FAM174A: variants seen among roughly 807,000 people sequenced by gnomAD.
The protein encoded by FAM174A is membrane protein FAM174A.
FAM174A carries 14 observed loss-of-function variants against 14.3 expected under a neutral mutation model. That is an observed-to-expected ratio of 0.98 (90% CI 0.65 to 1.53). The LOEUF (loss-of-function observed/expected upper bound fraction) is 1.53, where lower values mean the gene tolerates loss of function less well. Ranked by LOEUF, FAM174A falls within the 40% of genes most tolerant of loss-of-function variation. FAM174A has a pLI of 0.00. For missense variants in FAM174A, 241 were observed against 249.6 expected (o/e 0.97, Z 0.23); for synonymous variants, 108 against 111.4 (o/e 0.97, Z 0.19).
chr5:100,536,033 C>T (rs932985306), intron 1 of FAM174A, 69 bp downstream of exon 1: 1 of 1,398,864 alleles, frequency 7.1e-7, no homozygotes, highest in Admixed American at 2.4e-5. Context: ...TCCAGCAAGG[C>T]TGACTTCTGT....
chr5:100,586,229 A>G lies in FAM174A; in HGVS notation c.*45A>G. 1.4e-6 allele frequency: 2 copies of G among 1,380,556 alleles called. No individual in the cohort carries two copies. The highest frequency in any genetic ancestry group is 2.0e-6 in the Non-Finnish European group (2 of 1,002,252). 85.5% of individuals were successfully genotyped at this position (1,380,556 alleles called of 1,614,324 possible). On this transcript the variant is annotated 3_prime_UTR_variant, in exon 3 of 3. Coordinates refer to ENST00000312637, the MANE Select transcript of FAM174A (RefSeq NM_198507.3). Reference sequence around the variant, plus strand: ...AGAACTTTATCTTTCTACAATGAAGAGTGGAATTTCTATGTTTAAGGAATA... The same window carrying G: ...AGAACTTTATCTTTCTACAATGAAGGGTGGAATTTCTATGTTTAAGGAATA...
intron 1 of FAM174A, among the ~76,000 whole-genome samples, chr5:100,554,054 A>C (rs1007088721): frequency 3.2e-4 from 48 of 152,318 alleles, no homozygotes; most frequent in African/African-American, 1.1e-3. Context: ...ATTTCCAAAA[A>C]TAATTTCACA....
intron 2 of FAM174A, among the ~76,000 whole-genome samples, chr5:100,569,866 G>A (rs757866152): frequency 2.0e-4 from 30 of 151,818 alleles, no homozygotes; most frequent in Non-Finnish European, 3.4e-4. Context: ...CCACAGTGCA[G>A]AATGAAGGAG....
intron 1 of FAM174A, among the ~76,000 whole-genome samples, chr5:100,558,563 G>T (rs141210054): frequency 6.6e-6 from 1 of 152,022 alleles, no homozygotes; most frequent in Admixed American, 6.6e-5. Flanking sequence ...TTATTATTGT[G>T]TGGGAGTCTA....
At chr5:100,564,979 A>T (rs905102743) in intron 2 of FAM174A, among the ~76,000 whole-genome samples, 1 of 151,914 alleles carries the variant, frequency 6.6e-6, no homozygotes, top group East Asian at 1.9e-4. Context: ...TTCTCAAATT[A>T]TTCTGACAAA....
chr5:100,576,746 T>A (rs1219100455), intron 2 of FAM174A, among the ~76,000 whole-genome samples: 9 of 152,102 alleles, frequency 5.9e-5, no homozygotes, highest in Admixed American at 3.3e-4. Context: ...GGAAAAAAAA[T>A]AGTTTGTGCT....
chr5:100,537,775 G>C (rs1270838188), intron 1 of FAM174A, among the ~76,000 whole-genome samples: 6 of 152,122 alleles, frequency 3.9e-5, no homozygotes, highest in African/African-American at 1.4e-4. Flanking sequence ...ACTGCTGTCT[G>C]TACATAGTTC....
chr5:100,537,356 G>GTT (rs1377277777), intron 1 of FAM174A, among the ~76,000 whole-genome samples: 1 of 151,722 alleles, frequency 6.6e-6, no homozygotes, highest in Non-Finnish European at 1.5e-5. Flanking sequence ...TTCTTTTTAC[G>GTT]TTTTTTTCTT....
At chr5:100,539,365 G>T (rs77956332) in intron 1 of FAM174A, among the ~76,000 whole-genome samples, 28 of 152,164 alleles carry the variant, frequency 1.8e-4, no homozygotes, top group African/African-American at 6.7e-4. Context: ...GCATTAAAAT[G>T]CAGATCCTAT....
chr5:100,566,155 T>TAC (rs1397883581), intron 2 of FAM174A, among the ~76,000 whole-genome samples: 2 of 141,322 alleles, frequency 1.4e-5, no homozygotes, highest in Non-Finnish European at 3.1e-5. Flanking sequence ...TATATATATA[T>TAC]ATATATATAT....
At chr5:100,581,028 A>C (rs1747000636) in intron 2 of FAM174A, among the ~76,000 whole-genome samples, 2 of 152,106 alleles carry the variant, frequency 1.3e-5, no homozygotes, top group South Asian at 4.1e-4. Context: ...TCCCGGGTTC[A>C]AGCGATTCTT....
chr5:100,537,342 G>A (rs1311188276), intron 1 of FAM174A, among the ~76,000 whole-genome samples: 1 of 152,008 alleles, frequency 6.6e-6, no homozygotes, highest in African/African-American at 2.4e-5. Context: ...GAATCTAAAT[G>A]TCATTCTTTT....
chr5:100,555,200 C>T (rs1287686448), intron 1 of FAM174A, among the ~76,000 whole-genome samples: 1 of 151,654 alleles, frequency 6.6e-6, no homozygotes, highest in Non-Finnish European at 1.5e-5. Flanking sequence ...GTCCTTGCGA[C>T]AGTTTGCTGA....
intron 2 of FAM174A, among the ~76,000 whole-genome samples, chr5:100,585,202 TAC>T (rs1226796623): frequency 3.3e-5 from 5 of 152,224 alleles, no homozygotes; most frequent in Non-Finnish European, 7.3e-5. Flanking sequence ...GTTAATTTTC[TAC>T]AGTTATGATT....
chr5:100,571,672 G>GTGTATA (rs1554047761), intron 2 of FAM174A, among the ~76,000 whole-genome samples: 154 of 136,640 alleles, frequency 1.1e-3, no homozygotes, highest in Admixed American at 3.2e-3. Flanking sequence ...GTGTGTGTGT[G>GTGTATA]TATATATATA....
chr5:100,566,961 A>T (rs145088248), intron 2 of FAM174A, among the ~76,000 whole-genome samples: 1 of 151,872 alleles, frequency 6.6e-6, no homozygotes, highest in Non-Finnish European at 1.5e-5. Flanking sequence ...AAGTAGTTAG[A>T]TGGTGCAAAT....
chr5:100,578,128 G>A (rs553121075), intron 2 of FAM174A, among the ~76,000 whole-genome samples: 2 of 152,148 alleles, frequency 1.3e-5, no homozygotes, highest in African/African-American at 4.8e-5. Flanking sequence ...TAGTACCGTG[G>A]AAATTCTGTA....
At chr5:100,567,063 A>T (rs904616868) in intron 2 of FAM174A, among the ~76,000 whole-genome samples, 2 of 151,874 alleles carry the variant, frequency 1.3e-5, no homozygotes, top group Admixed American at 1.3e-4. Flanking sequence ...TACCTTCCTT[A>T]ATTACCATCT....
chr5:100,562,459 G>T (rs536690900), intron 2 of FAM174A, among the ~76,000 whole-genome samples: 1 of 151,668 alleles, frequency 6.6e-6, no homozygotes, highest in East Asian at 1.9e-4. Flanking sequence ...GGGTACAAGT[G>T]CAGGGTCGTT....
Sources: gnomAD v4.1 joint callset for allele counts (sites outside exome capture counted in the v4.1 genomes callset) on GRCh38, gnomAD v4.1.1 for gene constraint, MANE v1.5 for transcripts, NCBI Gene and HGNC (gene_info 2026-07-23, HGNC 2026-07-21) for gene names.